The following REV3L variants were observed in gnomAD, a reference collection of about 807,000 sequenced individuals.
REV3L encodes the protein REV3 like, DNA directed polymerase zeta catalytic subunit.
In REV3L, 69 loss-of-function variants were observed where a neutral mutation model predicts 299.4. The observed-to-expected ratio is 0.23, with a 90% confidence interval of 0.19 to 0.28. The LOEUF (loss-of-function observed/expected upper bound fraction) is 0.28. Ranked by LOEUF, REV3L falls within the 10% of genes least tolerant of loss-of-function variation. The pLI is 1.00. For synonymous variants in REV3L, 1,238 were observed against 1,271.4 expected, an observed-to-expected ratio of 0.97 and a Z score of 0.56; for missense variants, 3,128 against 3,693.8, an observed-to-expected ratio of 0.85 and a Z score of 3.97.
At chr6:111,351,573 TA>T in intron 19 of REV3L, 102 bp downstream of exon 19, 3 of 722,106 alleles carry the variant, frequency 4.2e-6, no homozygotes, top group Non-Finnish European at 6.8e-6. Context: ...AACTTAGTAC[TA>T]AAAAATTGGG....
At chr6:111,385,397 TA>T (rs961457057) in intron 9 of REV3L, among the ~76,000 whole-genome samples, 27 of 151,932 alleles carry the variant, frequency 1.8e-4, no homozygotes, top group African/African-American at 6.5e-4. Context: ...CCACAAAAAT[TA>T]AAAAAAATTT....
intron 1 of REV3L, among the ~76,000 whole-genome samples, chr6:111,450,847 T>C (rs1789452151): frequency 6.6e-6 from 1 of 152,246 alleles, no homozygotes; most frequent in African/African-American, 2.4e-5. Flanking sequence ...CTGTTGCTTA[T>C]GCTGTTTTGG....
At chr6:111,326,271 TCAAA>T (rs1405381862) in intron 25 of REV3L, among the ~76,000 whole-genome samples, 1 of 151,990 alleles carries the variant, frequency 6.6e-6, no homozygotes, top group Non-Finnish European at 1.5e-5. Context: ...TGTAAGGAAC[TCAAA>T]CAACTCAGTA....
chr6:111,319,139 G>A (rs1314598090), intron 26 of REV3L, among the ~76,000 whole-genome samples: 1 of 152,060 alleles, frequency 6.6e-6, no homozygotes. Flanking sequence ...AAATGATAAA[G>A]AAATAAAGGT....
intron 23 of REV3L, among the ~76,000 whole-genome samples, chr6:111,332,123 G>A (rs772963807): frequency 6.6e-6 from 1 of 152,110 alleles, no homozygotes; most frequent in Non-Finnish European, 1.5e-5. Context: ...CCAGGCTGGA[G>A]TGCAGTGGCG....
chr6:111,470,158 C>T (rs1375442031), intron 1 of REV3L, among the ~76,000 whole-genome samples: 1 of 150,500 alleles, frequency 6.6e-6, no homozygotes, highest in Non-Finnish European at 1.5e-5. Flanking sequence ...TTAAGAGTAC[C>T]AGGGTTTACT....
chr6:111,421,422 T>C (rs574569533), intron 1 of REV3L, among the ~76,000 whole-genome samples: 34 of 152,270 alleles, frequency 2.2e-4, no homozygotes, highest in Non-Finnish European at 3.7e-4. Context: ...TCTGACACAA[T>C]TACATAACTC....
intron 1 of REV3L, chr6:111,431,003 A>G (rs1174691830): frequency 6.4e-7 from 1 of 1,566,636 alleles, no homozygotes; most frequent in African/African-American, 1.4e-5. Flanking sequence ...GGACAAAAGA[A>G]CAAAGTCACT....
chr6:111,309,701 T>C, intron 30 of REV3L, 152 bp downstream of exon 30: 2 of 811,160 alleles, frequency 2.5e-6, no homozygotes, highest in South Asian at 4.8e-5. Flanking sequence ...TACCCAGCAC[T>C]TCCCCTCCCG....
intron 21 of REV3L, among the ~76,000 whole-genome samples, chr6:111,338,683 A>T (rs1776187460): frequency 6.6e-6 from 1 of 152,006 alleles, no homozygotes; most frequent in Admixed American, 6.6e-5. Context: ...AACTGATTAA[A>T]CTGAATCTTA....
intron 3 of REV3L, among the ~76,000 whole-genome samples, chr6:111,406,197 G>T (rs1227129664): frequency 6.6e-6 from 1 of 152,142 alleles, no homozygotes; most frequent in Admixed American, 6.5e-5. Context: ...CTCTAAGCAA[G>T]AGACTAAATG....
chr6:111,323,362 C>T (rs1040229854), intron 25 of REV3L, among the ~76,000 whole-genome samples: 9 of 152,076 alleles, frequency 5.9e-5, no homozygotes, highest in African/African-American at 1.2e-4. Flanking sequence ...AGTATATGTA[C>T]GTGTATCTCT....
chr6:111,399,505 A>C (rs1193735052), intron 4 of REV3L, among the ~76,000 whole-genome samples: 1 of 152,206 alleles, frequency 6.6e-6, no homozygotes, highest in Non-Finnish European at 1.5e-5. Flanking sequence ...TCCAGGATCC[A>C]ATCTAGGACA....
chr6:111,360,470 CTTTTTTTTTTTTT>C (rs71021836), intron 16 of REV3L, among the ~76,000 whole-genome samples: 1,843 of 129,550 alleles, frequency 0.014, 52 homozygotes, highest in African/African-American at 0.055. Context: ...GTTAAATAAT[CTTTTTTTTTTTTT>C]TTTTTTTTTA....
At chr6:111,415,813 T>C (rs567663652) in intron 2 of REV3L, among the ~76,000 whole-genome samples, 17 of 152,270 alleles carry the variant, frequency 1.1e-4, no homozygotes, top group African/African-American at 2.9e-4. Flanking sequence ...TATTCCTTCT[T>C]ATCCTGCTTG....
chr6:111,377,662 G>A lies in REV3L; in HGVS notation c.1597+39C>T, dbSNP rs151265546. On this transcript the variant is annotated intron_variant, in intron 12 of 31. Coordinates refer to ENST00000368802, the MANE Select transcript of REV3L (RefSeq NM_001372078.1). ...TCAAAATCAAATACATTTTTAGATCGTGAATAACCAATTTCTCACAGTAGA... is the reference window on the plus strand; with the variant it reads ...TCAAAATCAAATACATTTTTAGATCATGAATAACCAATTTCTCACAGTAGA... 9.1e-5 allele frequency: 145 copies of A among 1,586,650 alleles called. 1 individual carries two copies. Among genetic ancestry groups the A allele is most frequent in the Admixed American group, 4.3e-4 (24 of 56,034 alleles).
chr6:111,425,881 A>C (rs1244367309), intron 1 of REV3L, among the ~76,000 whole-genome samples: 7 of 152,248 alleles, frequency 4.6e-5, no homozygotes, highest in Non-Finnish European at 1.0e-4. Flanking sequence ...GAAATTCCAG[A>C]ATTGAAAAGT....
intron 9 of REV3L, among the ~76,000 whole-genome samples, chr6:111,383,013 C>T (rs752635243): frequency 2.0e-5 from 3 of 152,146 alleles, no homozygotes; most frequent in Non-Finnish European, 4.4e-5. Flanking sequence ...AACCTGCTGC[C>T]TTGAAGAGAA....
chr6:111,409,365 T>TA (rs1465408507), intron 3 of REV3L, among the ~76,000 whole-genome samples: 2 of 152,132 alleles, frequency 1.3e-5, no homozygotes, highest in African/African-American at 2.4e-5. Context: ...ACCGGCTTTT[T>TA]TTTTTTTTTA....
Sources: gnomAD v4.1 joint callset for allele counts (sites outside exome capture counted in the v4.1 genomes callset) on GRCh38, gnomAD v4.1.1 for gene constraint, MANE v1.5 for transcripts, NCBI Gene and HGNC (gene_info 2026-07-23, HGNC 2026-07-21) for gene names.